Variants in PDE3B observed in about 807,000 individuals in gnomAD.
The protein encoded by PDE3B is phosphodiesterase 3B, also known as cGMP-inhibited 3',5'-cyclic phosphodiesterase 3B.
Under a neutral mutation model 116.8 loss-of-function variants are expected in PDE3B, and 66 were observed. That is an observed-to-expected ratio of 0.56 (90% CI 0.46 to 0.69). The LOEUF is 0.69. Ranked by LOEUF, PDE3B falls within the 30% of genes least tolerant of loss-of-function variation. The probability of loss-of-function intolerance (pLI) is 0.00; values close to 1 mark genes in which losing one functional copy is unlikely to be tolerated. For missense variants in PDE3B, 1,384 were observed against 1,368.1 expected, an observed-to-expected ratio of 1.01 and a Z score of -0.18; for synonymous variants, 595 against 533.6, an observed-to-expected ratio of 1.12 and a Z score of -1.59.
In PDE3B at chr11:14,789,149, G is replaced by T; in HGVS notation, c.1322G>T (p.Ser441Ile). Residue 441 changes from serine to isoleucine, a missense_variant, in exon 4 of 16, where the codon AGC (serine) becomes ATC (isoleucine). Around this residue, in one of 2 missense-constraint regions of PDE3B, gnomAD observed 956 missense variants for 806.8 expected, o/e 1.18. Coordinates refer to ENST00000282096, the MANE Select transcript of PDE3B (RefSeq NM_000922.4). ...TTGCCAACTCCACAGCTGAGGAGAA[G>T]CTCAGGAACTTCAGGATTGCTACCT... is the stretch of plus-strand genomic sequence containing the variant. Reference protein sequence around the residue: ...NSLPTPQLRRSSGTSGLLPVE... With the variant: ...NSLPTPQLRRISGTSGLLPVE... 6.2e-7 allele frequency: 1 copy of T among 1,611,476 alleles called. No homozygotes were observed. Among genetic ancestry groups the T allele is most frequent in the South Asian group, 1.1e-5 (1 of 90,958 alleles).
intron 1 of PDE3B, among the ~76,000 whole-genome samples, chr11:14,745,039 G>A (rs576659337): frequency 6.6e-6 from 1 of 151,972 alleles, no homozygotes; most frequent in South Asian, 2.1e-4. Flanking sequence ...TGCCCAGGCT[G>A]GTCTTGAACT....
chr11:14,724,208 CA>C (rs532995312), intron 1 of PDE3B, among the ~76,000 whole-genome samples: 76 of 152,072 alleles, frequency 5.0e-4, no homozygotes, highest in South Asian at 3.3e-3. Context: ...AATTGATTAC[CA>C]GGGGGTTGGG....
chr11:14,692,983 A>C (rs1855089408), intron 1 of PDE3B, among the ~76,000 whole-genome samples: 1 of 152,232 alleles, frequency 6.6e-6, no homozygotes, highest in Non-Finnish European at 1.5e-5. Context: ...AAGTTCTTGA[A>C]GGAAATTAAA....
chr11:14,849,729 G>A lies in PDE3B; in HGVS notation c.2520+5703G>A, dbSNP rs370335940. Among the ~76,000 whole-genome samples, 637 of 152,188 alleles carry A rather than the reference G, an allele frequency of 4.2e-3. 5 individuals carry two copies. Among genetic ancestry groups the A allele is most frequent in the African/African-American group, 0.015 (613 of 41,520 alleles). On this transcript the variant is annotated intron_variant, in intron 12 of 15. Transcript: ENST00000282096. ...AGACATTTATGCAGCCAAAAAACAC[G>A]TGAAAAAATGCTCACCATCACTGGC...
At chr11:14,892,136 CGAAGAGCAGCAG>C in the PDE3B span, 1 of 1,611,350 alleles carries the variant, frequency 6.2e-7, no homozygotes, top group South Asian at 1.1e-5. Context: ...ACCCCTAGCG[CGAAGAGCAGCAG>C]GAAGAGCGCG....
At position 14,644,725 on chromosome 11, in the gene PDE3B, G is replaced by C. The variant is rs922539383; in HGVS notation, c.650G>C (p.Arg217Pro). The C allele has an allele frequency of 5.8e-6, 9 of 1,555,588 alleles. No homozygotes were observed. Among genetic ancestry groups the C allele is most frequent in the Non-Finnish European group, 7.8e-6 (9 of 1,152,700 alleles). ...ACGCTCGCGCACCCGCTGCGGCTCC[G>C]GCACTGCGTTCTGGTGCTGCTCCTG... ...LLTLAHPLRL[R>P]HCVLVLLLAS... is the part of the protein sequence containing the mutation. The change falls in exon 1 of 16, where the codon CGG becomes CCG. Residue 217 changes from arginine (R) to proline (P), a missense_variant. Transcript: ENST00000282096.
Position 14,807,723 on chromosome 11 carries a change from A to G in PDE3B, c.1522+3673A>G, listed in dbSNP as rs1476702390. Among the ~76,000 whole-genome samples the G allele has an allele frequency of 3.3e-5, 5 of 152,156 alleles. No individual in the cohort carries two copies. The East Asian group carries it at 7.7e-4, about 23-fold the overall frequency. The stretch of plus-strand genomic sequence containing the variant: ...TATTATCTGAAATGTCAAGTTTTCA[A>G]CAAAAATTGGACTTTACGCTCCAAT... On this transcript the variant is annotated intron_variant, in intron 5 of 15. Coordinates refer to ENST00000282096, the MANE Select transcript of PDE3B (RefSeq NM_000922.4).
chr11:14,778,794 A>C (rs1418789278), intron 2 of PDE3B, among the ~76,000 whole-genome samples: 1 of 152,212 alleles, frequency 6.6e-6, no homozygotes, highest in Admixed American at 6.5e-5. Context: ...CTCGCCAGCA[A>C]TGGAACAAAG....
At chr11:14,769,619 A>G (rs1282631265) in intron 1 of PDE3B, among the ~76,000 whole-genome samples, 1 of 147,316 alleles carries the variant, frequency 6.8e-6, no homozygotes, top group East Asian at 1.9e-4. Context: ...ATATATTTAT[A>G]TTGTATATAC....
chr11:14,662,983 A>G (rs1853985686), intron 1 of PDE3B, among the ~76,000 whole-genome samples: 1 of 152,042 alleles, frequency 6.6e-6, no homozygotes, highest in South Asian at 2.1e-4. Flanking sequence ...CCTCGAGAAG[A>G]GCAACTCCAA....
intron 12 of PDE3B, among the ~76,000 whole-genome samples, chr11:14,849,037 T>A (rs1847678774): frequency 1.3e-5 from 2 of 152,030 alleles, no homozygotes; most frequent in Non-Finnish European, 2.9e-5. Context: ...AAGTCAATCC[T>A]AAGCCAAAAG....
chr11:14,709,889 A>G (rs778684684), intron 1 of PDE3B, among the ~76,000 whole-genome samples: 7 of 152,096 alleles, frequency 4.6e-5, no homozygotes, highest in Non-Finnish European at 1.0e-4. Flanking sequence ...CTTTTTGGAT[A>G]TATGTTCTTA....
At chr11:14,736,427 T>G (rs559672156) in intron 1 of PDE3B, among the ~76,000 whole-genome samples, 95 of 152,318 alleles carry the variant, frequency 6.2e-4, no homozygotes, top group Non-Finnish European at 1.2e-3. Context: ...GAAAACCTCT[T>G]TGGTACATAT....
chr11:14,663,579 A>G (rs896773693), intron 1 of PDE3B, among the ~76,000 whole-genome samples: 2 of 152,232 alleles, frequency 1.3e-5, no homozygotes, highest in Non-Finnish European at 1.5e-5. Flanking sequence ...AGGAAGATCT[A>G]CCAAGCCAAT....
downstream of PDE3B, among the ~76,000 whole-genome samples, chr11:14,874,350 G>T (rs987843486): frequency 6.6e-6 from 1 of 152,010 alleles, no homozygotes; most frequent in Non-Finnish European, 1.5e-5. Flanking sequence ...TATATTATAT[G>T]AACACCTTTT....
chr11:14,673,874 T>C, intron 1 of PDE3B: 2 of 1,420,882 alleles, frequency 1.4e-6, no homozygotes, highest in African/African-American at 2.8e-5. Flanking sequence ...TGCCCAACAT[T>C]ACGTTGAAGT....
intron 1 of PDE3B, among the ~76,000 whole-genome samples, chr11:14,769,564 C>T (rs552311073): frequency 1.3e-5 from 2 of 148,650 alleles, no homozygotes; most frequent in African/African-American, 4.9e-5. Flanking sequence ...AGTGTTTCTC[C>T]ACCGTATTTT....
chr11:14,875,642 C>A (rs937490458), downstream of PDE3B, among the ~76,000 whole-genome samples: 10 of 152,246 alleles, frequency 6.6e-5, no homozygotes, highest in South Asian at 4.1e-4. Context: ...TTTACCACAG[C>A]TAACTGGTTC....
the PDE3B span, chr11:14,879,563 A>G: frequency 1.4e-6 from 1 of 691,892 alleles, no homozygotes; most frequent in Non-Finnish European, 2.5e-6. Context: ...AGATACATCC[A>G]GATTCAGATT....
Sources: gnomAD v4.1 joint callset for allele counts (sites outside exome capture counted in the v4.1 genomes callset) on GRCh38, gnomAD v4.1.1 for gene constraint, gnomAD v4.1.1 regional missense constraint, MANE v1.5 for transcripts, NCBI Gene and HGNC (gene_info 2026-07-23, HGNC 2026-07-21) for gene names.